The following UBE2H variants were observed in gnomAD, a reference collection of about 807,000 sequenced individuals.
UBE2H encodes ubiquitin conjugating enzyme E2 H, also known as ubiquitin-conjugating enzyme E2 H.
Under a neutral mutation model 29.0 loss-of-function variants are expected in UBE2H, and 3 were observed. The observed-to-expected ratio is 0.10, with a 90% CI of 0.05 to 0.27. The LOEUF is 0.27. UBE2H is among the 10% of genes least tolerant of loss of function. The pLI, the probability that UBE2H is intolerant of heterozygous loss-of-function variation, is 1.00. For missense variants in UBE2H, 68 were observed against 228.2 expected (o/e 0.30, Z 4.52); for synonymous variants, 69 against 82.9 (o/e 0.83, Z 0.91).
At chr7:129,847,506 C>G (rs953268330) in intron 5 of UBE2H, among the ~76,000 whole-genome samples, 1 of 151,254 alleles carries the variant, frequency 6.6e-6, no homozygotes, top group Non-Finnish European at 1.5e-5. Context: ...ACAGTGAGAC[C>G]CAGTCTCTCT....
At chr7:129,848,570 T>C (rs1805553006) in intron 5 of UBE2H, among the ~76,000 whole-genome samples, 1 of 152,246 alleles carries the variant, frequency 6.6e-6, no homozygotes, top group African/African-American at 2.4e-5. Flanking sequence ...CTCTTTCCCC[T>C]GAACTTTTGG....
intron 5 of UBE2H, among the ~76,000 whole-genome samples, chr7:129,847,629 C>T (rs571616642): frequency 1.3e-5 from 2 of 152,164 alleles, no homozygotes; most frequent in Non-Finnish European, 2.9e-5. Context: ...GCGTGAGCTA[C>T]CATGCCCAGC....
chr7:129,844,300 T>A (rs1805475909), intron 5 of UBE2H, among the ~76,000 whole-genome samples: 1 of 152,232 alleles, frequency 6.6e-6, no homozygotes. Context: ...GCTAACACAG[T>A]GATTACTCCT....
chr7:129,920,584 T>G (rs12533464), intron 1 of UBE2H, among the ~76,000 whole-genome samples: 1 of 151,948 alleles, frequency 6.6e-6, no homozygotes, highest in African/African-American at 2.4e-5. Flanking sequence ...AAATACTACA[T>G]ACATACATAT....
At chr7:129,849,324 T>TC in intron 5 of UBE2H, among the ~76,000 whole-genome samples, 1 of 152,348 alleles carries the variant, frequency 6.6e-6, no homozygotes, top group East Asian at 1.9e-4. Context: ...ACGCCTGTAA[T>TC]CCCAGCACTT....
chr7:129,853,095 G>A (rs973914585), intron 5 of UBE2H, among the ~76,000 whole-genome samples: 1 of 152,186 alleles, frequency 6.6e-6, no homozygotes, highest in Non-Finnish European at 1.5e-5. Flanking sequence ...AAGCTGGAGA[G>A]AGAAACACAT....
At chr7:129,886,833 AAT>A (rs1462610336) in intron 1 of UBE2H, among the ~76,000 whole-genome samples, 2 of 151,944 alleles carry the variant, frequency 1.3e-5, no homozygotes, top group Non-Finnish European at 2.9e-5. Context: ...GTATCACAAA[AAT>A]AGTGCTTTGG....
chr7:129,905,068 A>G (rs1384167194), intron 1 of UBE2H, among the ~76,000 whole-genome samples: 3 of 152,160 alleles, frequency 2.0e-5, no homozygotes, highest in South Asian at 4.2e-4. Context: ...AGGGGAGTAC[A>G]AGCCATTTGA....
chr7:129,896,321 A>C (rs927520743), intron 1 of UBE2H, among the ~76,000 whole-genome samples: 3 of 151,976 alleles, frequency 2.0e-5, no homozygotes, highest in Admixed American at 6.6e-5. Context: ...TGGGTAACAG[A>C]GTGAGACTCC....
intron 1 of UBE2H, among the ~76,000 whole-genome samples, chr7:129,933,659 T>G (rs1807453593): frequency 6.6e-6 from 1 of 152,212 alleles, no homozygotes; most frequent in Admixed American, 6.5e-5. Flanking sequence ...AGAATTGAAT[T>G]CCCCATCATT....
intron 1 of UBE2H, among the ~76,000 whole-genome samples, chr7:129,928,218 T>G (rs1408879267): frequency 6.6e-6 from 1 of 151,670 alleles, no homozygotes; most frequent in Non-Finnish European, 1.5e-5. Context: ...GTAGTCCACT[T>G]GGGAGGCTGA....
intron 5 of UBE2H, among the ~76,000 whole-genome samples, chr7:129,850,197 A>G (rs975426152): frequency 6.6e-6 from 1 of 151,828 alleles, no homozygotes; most frequent in African/African-American, 2.4e-5. Context: ...TGACACCCCC[A>G]TCTCTAGTAT....
intron 3 of UBE2H, among the ~76,000 whole-genome samples, chr7:129,878,746 G>A (rs549812442): frequency 6.9e-6 from 1 of 145,272 alleles, no homozygotes. Context: ...TGGCAATTCT[G>A]AACATGAGGC....
chr7:129,938,855 G>C (rs1807586270), intron 1 of UBE2H, among the ~76,000 whole-genome samples: 1 of 151,640 alleles, frequency 6.6e-6, no homozygotes, highest in Non-Finnish European at 1.5e-5. Flanking sequence ...CTGGAGTGCA[G>C]TGATGCGATC....
At chr7:129,853,985 A>C (rs1805657515) in intron 5 of UBE2H, among the ~76,000 whole-genome samples, 1 of 151,770 alleles carries the variant, frequency 6.6e-6, no homozygotes, top group Non-Finnish European at 1.5e-5. Flanking sequence ...TTTAGGTGCC[A>C]GGCTTAGCCT....
chr7:129,851,535 T>C (rs1363720653), intron 5 of UBE2H, among the ~76,000 whole-genome samples: 1 of 152,204 alleles, frequency 6.6e-6, no homozygotes, highest in Non-Finnish European at 1.5e-5. Flanking sequence ...TGGGAAGACT[T>C]TATAACTCAG....
At chr7:129,906,578 GT>G (rs1180302707) in intron 1 of UBE2H, among the ~76,000 whole-genome samples, 1 of 150,940 alleles carries the variant, frequency 6.6e-6, no homozygotes, top group Admixed American at 6.6e-5. Context: ...CTAGAATTAA[GT>G]TAAGTATTTG....
chr7:129,842,418 G>A (rs118151761), intron 5 of UBE2H, among the ~76,000 whole-genome samples: 9,519 of 152,110 alleles, frequency 0.063, 370 homozygotes, highest in Non-Finnish European at 0.092. Context: ...GCAAGTGAGT[G>A]GAACCCTGTC....
At chr7:129,874,312 T>A (rs954455904) in intron 3 of UBE2H, among the ~76,000 whole-genome samples, 5 of 137,966 alleles carry the variant, frequency 3.6e-5, no homozygotes, top group African/African-American at 2.7e-5. Context: ...ATATATATAA[T>A]TTTTTTTTTT....
Sources: gnomAD v4.1 joint callset for allele counts (sites outside exome capture counted in the v4.1 genomes callset) on GRCh38, gnomAD v4.1.1 for gene constraint, MANE v1.5 for transcripts, NCBI Gene and HGNC (gene_info 2026-07-23, HGNC 2026-07-21) for gene names.